Variants in RANBP2 observed in about 807,000 individuals in gnomAD.
The protein encoded by RANBP2 is RAN binding protein 2.
RANBP2 carries 57 observed loss-of-function variants against 303.6 expected under a neutral mutation model. The observed-to-expected ratio is 0.19, with a 90% CI of 0.15 to 0.23. The LOEUF (loss-of-function observed/expected upper bound fraction) is 0.23. Ranked by LOEUF, RANBP2 falls within the 10% of genes least tolerant of loss-of-function variation. The pLI is 1.00. For missense variants in RANBP2, 3,138 were observed against 3,780.8 expected, an observed-to-expected ratio of 0.83 and a Z score of 4.46; for synonymous variants, 1,167 against 1,301.5, an observed-to-expected ratio of 0.90 and a Z score of 2.23.
At chr2:108,749,948 G>A (rs571282549) in intron 9 of RANBP2, among the ~76,000 whole-genome samples, 10 of 152,160 alleles carry the variant, frequency 6.6e-5, no homozygotes, top group East Asian at 3.9e-4. Context: ...TCAGGAGTTC[G>A]AGACCATCCT....
At chr2:109,670,965 C>T in the RANBP2 span, among the ~76,000 whole-genome samples, 82 of 152,312 alleles carry the variant, frequency 5.4e-4, 1 homozygote, top group Non-Finnish European at 1.0e-3. Context: ...CAATCCCCAC[C>T]CCAGGCCCCA....
At chr2:109,458,130 A>G in the RANBP2 span, among the ~76,000 whole-genome samples, 1 of 152,186 alleles carries the variant, frequency 6.6e-6, no homozygotes, top group Non-Finnish European at 1.5e-5. Flanking sequence ...CTCTAGGGGA[A>G]GTCACTCCTG....
chr2:109,661,341 G>T, the RANBP2 span, among the ~76,000 whole-genome samples: 1 of 152,000 alleles, frequency 6.6e-6, no homozygotes, highest in Non-Finnish European at 1.5e-5. Context: ...CCACCTCCTG[G>T]GTTCAAGCGA....
At chr2:109,330,236 G>A in the RANBP2 span, among the ~76,000 whole-genome samples, 1 of 152,214 alleles carries the variant, frequency 6.6e-6, no homozygotes, top group Non-Finnish European at 1.5e-5. Flanking sequence ...AACTCTGTGG[G>A]TTGCAGAAAG....
At chr2:108,786,599 C>G (rs1405437494), downstream of RANBP2, among the ~76,000 whole-genome samples, 3 of 152,058 alleles carry the variant, frequency 2.0e-5, no homozygotes, top group African/African-American at 4.8e-5. Flanking sequence ...CGGGGAGATG[C>G]AATACTACTC....
At chr2:108,772,627 C>T (rs778594808) in intron 22 of RANBP2, 46 bp downstream of exon 22, 3 of 1,536,354 alleles carry the variant, frequency 2.0e-6, no homozygotes, top group Non-Finnish European at 2.7e-6. Context: ...AACAAGTCTT[C>T]TATTTAGAAG....
intron 7 of RANBP2, among the ~76,000 whole-genome samples, chr2:108,741,485 T>G (rs1289021676): frequency 8.1e-6 from 1 of 122,744 alleles, no homozygotes; most frequent in Non-Finnish European, 1.7e-5. Flanking sequence ...CGCAAGCCAC[T>G]GCGCCTGGCC....
the RANBP2 span, among the ~76,000 whole-genome samples, chr2:109,045,035 G>A: frequency 1.3e-5 from 2 of 152,148 alleles, no homozygotes; most frequent in Admixed American, 6.5e-5. Flanking sequence ...TCTGCCCTGT[G>A]ACCACCTTAA....
chr2:109,568,006 A>T, the RANBP2 span: 1 of 1,517,662 alleles, frequency 6.6e-7, no homozygotes, highest in Non-Finnish European at 8.9e-7. Flanking sequence ...ACAAAATCTT[A>T]CTGAGGATTT....
chr2:109,459,274 ATACT>A, the RANBP2 span, among the ~76,000 whole-genome samples: 27 of 152,296 alleles, frequency 1.8e-4, no homozygotes, highest in East Asian at 1.2e-3. Context: ...ATAGGAGGAA[ATACT>A]TACAACAGTT....
the RANBP2 span, among the ~76,000 whole-genome samples, chr2:109,261,079 A>T: frequency 1.3e-5 from 2 of 152,132 alleles, no homozygotes; most frequent in East Asian, 3.9e-4. Flanking sequence ...AGTGTCTTAC[A>T]CGGGTCCATT....
chr2:109,188,990 C>T, the RANBP2 span, among the ~76,000 whole-genome samples: 1 of 151,958 alleles, frequency 6.6e-6, no homozygotes, highest in Admixed American at 6.6e-5. Flanking sequence ...GAAATGGAAG[C>T]TGCTTCTGAG....
chr2:109,404,761 G>A, the RANBP2 span, among the ~76,000 whole-genome samples: 1 of 152,038 alleles, frequency 6.6e-6, no homozygotes, highest in East Asian at 1.9e-4. Context: ...GGATGTGCTC[G>A]ACTCTCTGCA....
At chr2:109,181,611 C>G in the RANBP2 span, among the ~76,000 whole-genome samples, 11 of 152,290 alleles carry the variant, frequency 7.2e-5, no homozygotes, top group East Asian at 2.1e-3. Context: ...TTTACCTTCC[C>G]CTCCAGCATA....
the RANBP2 span, among the ~76,000 whole-genome samples, chr2:108,842,470 C>T: frequency 6.6e-6 from 1 of 151,990 alleles, no homozygotes; most frequent in Admixed American, 6.6e-5. Flanking sequence ...GGGCAAGTGC[C>T]CTTATTGGAG....
At chr2:109,230,767 T>G in the RANBP2 span, among the ~76,000 whole-genome samples, 5 of 152,230 alleles carry the variant, frequency 3.3e-5, no homozygotes, top group African/African-American at 1.2e-4. Flanking sequence ...TGGGTTTGTC[T>G]GGACATGACC....
At chr2:108,973,356 G>T in the RANBP2 span, among the ~76,000 whole-genome samples, 2 of 152,232 alleles carry the variant, frequency 1.3e-5, no homozygotes, top group African/African-American at 4.8e-5. Context: ...GACTCAGGGG[G>T]CTGGCTAGGG....
At chr2:109,476,859 G>A in the RANBP2 span, among the ~76,000 whole-genome samples, 7 of 152,162 alleles carry the variant, frequency 4.6e-5, no homozygotes, top group South Asian at 2.1e-4. Context: ...AAACCATATC[G>A]GGTAACTTCC....
chr2:109,086,263 G>A, the RANBP2 span, among the ~76,000 whole-genome samples: 6 of 152,176 alleles, frequency 3.9e-5, no homozygotes, highest in Non-Finnish European at 1.5e-5. Flanking sequence ...TAGCGTCTGA[G>A]GTTGTTGGGG....
Sources: allele counts gnomAD v4.1 joint callset (sites outside exome capture counted in the v4.1 genomes callset), GRCh38; gene constraint gnomAD v4.1.1; transcripts MANE v1.5; gene names NCBI Gene and HGNC (gene_info 2026-07-23, HGNC 2026-07-21).